The following RAD51B variants were observed in gnomAD, a reference collection of about 807,000 sequenced individuals.
RAD51B encodes RAD51 paralog B, also known as DNA repair protein RAD51 homolog 2.
Under a neutral mutation model 42.2 loss-of-function variants are expected in RAD51B, and 38 were observed. The observed-to-expected ratio is 0.90, with a 90% CI of 0.70 to 1.18. RAD51B has a LOEUF of 1.18. RAD51B is among the 50% of genes most tolerant of loss of function. RAD51B has a pLI of 0.00. For missense variants in RAD51B, 373 were observed against 400.7 expected (o/e 0.93, Z 0.59); for synonymous variants, 154 against 145.2 (o/e 1.06, Z -0.43).
intron 7 of RAD51B, among the ~76,000 whole-genome samples, chr14:67,995,938 A>G (rs1768760922): frequency 6.6e-6 from 1 of 152,064 alleles, no homozygotes; most frequent in South Asian, 2.1e-4. Flanking sequence ...TTTTTAAAAA[A>G]TCTGCCTTCT....
At chr14:68,337,253 G>A (rs1316767400) in intron 8 of RAD51B, among the ~76,000 whole-genome samples, 2 of 87,402 alleles carry the variant, frequency 2.3e-5, no homozygotes, top group Admixed American at 2.5e-4. Flanking sequence ...TAATTGTCCA[G>A]CTAAATAATT....
intron 7 of RAD51B, among the ~76,000 whole-genome samples, chr14:68,234,463 A>C (rs1353046588): frequency 6.6e-6 from 1 of 152,192 alleles, no homozygotes; most frequent in Non-Finnish European, 1.5e-5. Flanking sequence ...TTATGCAAAC[A>C]TCATCGAGTG....
At chr14:68,031,883 G>A (rs1292360721) in intron 7 of RAD51B, among the ~76,000 whole-genome samples, 3 of 152,146 alleles carry the variant, frequency 2.0e-5, no homozygotes, top group Non-Finnish European at 2.9e-5. Context: ...TGTTGCTTCT[G>A]CTCTGAATGA....
At chr14:68,671,567 C>T (rs1031568141) in intron 11 of RAD51B, among the ~76,000 whole-genome samples, 2 of 152,102 alleles carry the variant, frequency 1.3e-5, no homozygotes, top group South Asian at 4.1e-4. Context: ...TCCCCCAACA[C>T]CCCGCCTCCG....
At chr14:68,560,368 G>GA (rs563203558) in intron 10 of RAD51B, among the ~76,000 whole-genome samples, 66 of 152,288 alleles carry the variant, frequency 4.3e-4, no homozygotes, top group African/African-American at 1.6e-3. Context: ...TCGGCATACA[G>GA]TGGCCCACCT....
chr14:68,370,893 C>T (rs537667603), intron 8 of RAD51B, among the ~76,000 whole-genome samples: 54 of 151,238 alleles, frequency 3.6e-4, no homozygotes, highest in Admixed American at 1.3e-3. Context: ...AAAAATTAGC[C>T]GGACGTGGTG....
At chr14:68,097,469 A>C (rs779448291) in intron 7 of RAD51B, among the ~76,000 whole-genome samples, 44 of 152,154 alleles carry the variant, frequency 2.9e-4, no homozygotes, top group Non-Finnish European at 5.9e-4. Flanking sequence ...ACCATCTGAA[A>C]CTTCACGTAT....
chr14:68,541,685 A>G, intron 10 of RAD51B: 11 of 985,470 alleles, frequency 1.1e-5, no homozygotes, highest in Non-Finnish European at 1.3e-5. Flanking sequence ...GGCCTGAAGA[A>G]GCCATTCATT....
chr14:68,182,199 A>T (rs1353067416), intron 7 of RAD51B, among the ~76,000 whole-genome samples: 1 of 152,186 alleles, frequency 6.6e-6, no homozygotes, highest in Non-Finnish European at 1.5e-5. Flanking sequence ...CTCCTTTAAG[A>T]GAGAGTTTTC....
intron 8 of RAD51B, among the ~76,000 whole-genome samples, chr14:68,320,194 G>C (rs1200582365): frequency 6.6e-6 from 1 of 152,024 alleles, no homozygotes. Context: ...GAGTACTTTC[G>C]GTCTGAAACT....
intron 8 of RAD51B, among the ~76,000 whole-genome samples, chr14:68,400,741 C>T (rs996159635): frequency 3.3e-5 from 5 of 152,196 alleles, no homozygotes; most frequent in African/African-American, 1.2e-4. Flanking sequence ...GAAAGTGCCA[C>T]AGATTTCTTT....
chr14:68,038,948 A>G (rs1302622912), intron 7 of RAD51B, among the ~76,000 whole-genome samples: 1 of 152,084 alleles, frequency 6.6e-6, no homozygotes, highest in Admixed American at 6.6e-5. Flanking sequence ...AATGGTGTAT[A>G]CTATTGTATA....
At chr14:67,898,863 A>T (rs2043512069) in intron 7 of RAD51B, among the ~76,000 whole-genome samples, 1 of 152,216 alleles carries the variant, frequency 6.6e-6, no homozygotes, top group South Asian at 2.1e-4. Context: ...AAAACATAAC[A>T]GCTGTGGTTT....
At chr14:68,408,892 C>T (rs982209993) in intron 8 of RAD51B, among the ~76,000 whole-genome samples, 2 of 152,092 alleles carry the variant, frequency 1.3e-5, no homozygotes, top group African/African-American at 2.4e-5. Context: ...GATGAATTCT[C>T]GAACTCACCA....
chr14:68,094,860 TCTC>T (rs1264238773), intron 7 of RAD51B, among the ~76,000 whole-genome samples: 1 of 152,188 alleles, frequency 6.6e-6, no homozygotes, highest in Non-Finnish European at 1.5e-5. Flanking sequence ...GAAGAAAAAT[TCTC>T]CTAAATGACT....
At chr14:68,207,155 C>T (rs1405375027) in intron 7 of RAD51B, among the ~76,000 whole-genome samples, 1 of 152,100 alleles carries the variant, frequency 6.6e-6, no homozygotes, top group Non-Finnish European at 1.5e-5. Flanking sequence ...GTGCTCATTA[C>T]TATTGAGGTA....
intron 7 of RAD51B, among the ~76,000 whole-genome samples, chr14:68,203,529 T>C (rs2079530713): frequency 6.6e-6 from 1 of 152,198 alleles, no homozygotes; most frequent in Non-Finnish European, 1.5e-5. Flanking sequence ...TTCAGAATGG[T>C]AAATGATCAT....
intron 7 of RAD51B, among the ~76,000 whole-genome samples, chr14:67,940,036 ATATATATATATATATATATTTTT>A: frequency 1.1e-4 from 1 of 8,936 alleles, no homozygotes; most frequent in Non-Finnish European, 3.6e-4. Flanking sequence ...ATATATATAT[ATATATATATATATATATATTTTT>A]TTTTTTTTTT....
At chr14:68,574,137 C>T (rs1889851614) in intron 10 of RAD51B, among the ~76,000 whole-genome samples, 1 of 152,044 alleles carries the variant, frequency 6.6e-6, no homozygotes, top group Non-Finnish European at 1.5e-5. Flanking sequence ...GAGACAGGGT[C>T]TCGCTCTGTC....
Sources: gnomAD v4.1 joint callset for allele counts (sites outside exome capture counted in the v4.1 genomes callset) on GRCh38, gnomAD v4.1.1 for gene constraint, MANE v1.5 for transcripts, NCBI Gene and HGNC (gene_info 2026-07-23, HGNC 2026-07-21) for gene names.